Variants in TBC1D5 observed in about 807,000 individuals in gnomAD.
The protein encoded by TBC1D5 is TBC1 domain family, member 5.
In TBC1D5, 75 loss-of-function variants were observed where a neutral mutation model predicts 100.3. The ratio of observed to expected loss-of-function variants is 0.75; its 90% CI spans 0.62 to 0.91. TBC1D5 has a LOEUF of 0.91. Ranked by LOEUF, TBC1D5 falls within the 40% of genes least tolerant of loss-of-function variation. The probability of loss-of-function intolerance (pLI) is 0.00; values close to 1 mark genes in which losing one functional copy is unlikely to be tolerated. For synonymous variants in TBC1D5, 323 were observed against 325.6 expected, an observed-to-expected ratio of 0.99 and a Z score of 0.09; for missense variants, 910 against 942.4, an observed-to-expected ratio of 0.97 and a Z score of 0.45.
At chr3:17,699,637 A>G (rs1371070295) in intron 1 of TBC1D5, among the ~76,000 whole-genome samples, 2 of 130,674 alleles carry the variant, frequency 1.5e-5, no homozygotes, top group Non-Finnish European at 3.3e-5. Flanking sequence ...CAATTATATA[A>G]AAATCATCAG....
In TBC1D5 at chr3:17,215,424, T is replaced by C. The variant is rs2073519445; in HGVS notation, c.1589-1054A>G. ...CAATTTTTGGCCTAAGCAAGAAGAA[T>C]GATGGAGCGGCTATTTACTGAGGTG... is the stretch of plus-strand genomic sequence containing the variant. On this transcript the variant is annotated intron_variant, in intron 17 of 21. Transcript: ENST00000253692. Among the ~76,000 whole-genome samples the C allele has an allele frequency of 2.0e-5, 3 of 152,186 alleles. No individual in the cohort carries two copies. The Middle Eastern group carries it at 0.01, about 518-fold the overall frequency.
intron 1 of TBC1D5, among the ~76,000 whole-genome samples, chr3:17,673,585 G>A (rs965533378): frequency 6.6e-6 from 1 of 151,700 alleles, no homozygotes; most frequent in South Asian, 2.1e-4. Context: ...AAAGTGCTTG[G>A]ATTACAAGCA....
At chr3:17,592,261 A>G (rs978159118) in intron 2 of TBC1D5, among the ~76,000 whole-genome samples, 14 of 152,330 alleles carry the variant, frequency 9.2e-5, no homozygotes, top group African/African-American at 3.1e-4. Context: ...CTTCCGTAAG[A>G]TATCATACTG....
chr3:17,187,950 G>A (rs1307254207), intron 18 of TBC1D5, among the ~76,000 whole-genome samples: 1 of 152,192 alleles, frequency 6.6e-6, no homozygotes, highest in African/African-American at 2.4e-5. Context: ...AAGCCGTTGG[G>A]AGCTTTGATA....
intron 18 of TBC1D5, among the ~76,000 whole-genome samples, chr3:17,190,218 T>C (rs1430982903): frequency 1.3e-5 from 2 of 152,160 alleles, no homozygotes; most frequent in East Asian, 3.9e-4. Context: ...AGAAATACAA[T>C]AATGACTAAA....
intron 2 of TBC1D5, among the ~76,000 whole-genome samples, chr3:17,549,949 A>AATG (rs1453723955): frequency 1.3e-5 from 2 of 150,184 alleles, no homozygotes; most frequent in Non-Finnish European, 3.0e-5. Flanking sequence ...TAATAATAAT[A>AATG]ATAGTAATAA....
At position 17,531,567 on chromosome 3, in the gene TBC1D5, C is replaced by T. The variant is rs188778427; in HGVS notation, c.-35-22962G>A. Among the ~76,000 whole-genome samples the T allele has an allele frequency of 2.1e-4, 32 of 152,298 alleles. No individual in the cohort carries two copies. The East Asian group carries it at 4.8e-3, about 23-fold the overall frequency. On this transcript the variant is annotated intron_variant, in intron 2 of 21. Transcript: ENST00000253692. ...AAAGAACGAAGCTGGAGGCATCATG[C>T]TACCTGACTTCAAACTATACTACAA...
At chr3:17,272,637 TTA>T (rs1449628398) in intron 15 of TBC1D5, among the ~76,000 whole-genome samples, 6 of 152,144 alleles carry the variant, frequency 3.9e-5, no homozygotes, top group Non-Finnish European at 7.4e-5. Context: ...TTGGCCAAAG[TTA>T]TATGAGATGG....
intron 2 of TBC1D5, among the ~76,000 whole-genome samples, chr3:17,527,580 C>T (rs1265294819): frequency 6.6e-6 from 1 of 152,124 alleles, no homozygotes; most frequent in Non-Finnish European, 1.5e-5. Context: ...ATCCACTCAG[C>T]CCCTTCTTCA....
At chr3:17,667,355 A>T (rs2067378283) in intron 1 of TBC1D5, among the ~76,000 whole-genome samples, 1 of 152,352 alleles carries the variant, frequency 6.6e-6, no homozygotes, top group South Asian at 2.1e-4. Context: ...CACTTAAAAA[A>T]ACATAATTTA....
In TBC1D5 at chr3:17,210,157, T is replaced by G. The variant is rs115137726; in HGVS notation, c.1752+4050A>C. On this transcript the variant is annotated intron_variant, in intron 18 of 21. Coordinates refer to ENST00000253692, the Ensembl canonical transcript of TBC1D5. ...ATTAACTACTAGTTTAGACAGATGT[T>G]GAATCTAGGTTAGAAGTAATTTTTT... Among the ~76,000 whole-genome samples, 1,400 of 152,240 alleles carry G rather than the reference T, an allele frequency of 9.2e-3. 23 individuals are homozygous for G. The highest frequency in any genetic ancestry group is 0.031 in the African/African-American group (1,307 of 41,532).
intron 2 of TBC1D5, among the ~76,000 whole-genome samples, chr3:17,543,876 T>C (rs201734420): frequency 0.066 from 10,008 of 151,058 alleles, 618 homozygotes; most frequent in African/African-American, 0.17. Context: ...GTTTTTTTTT[T>C]CTTTTTTTTT....
chr3:17,597,552 C>G (rs2060649488), intron 2 of TBC1D5, among the ~76,000 whole-genome samples: 1 of 152,178 alleles, frequency 6.6e-6, no homozygotes. Context: ...TCATTACCCA[C>G]TCTGTTCATG....
intron 2 of TBC1D5, among the ~76,000 whole-genome samples, chr3:17,568,911 AT>A (rs1272913601): frequency 6.6e-6 from 1 of 151,728 alleles, no homozygotes; most frequent in Non-Finnish European, 1.5e-5. Context: ...ATGTTGATGC[AT>A]TTTAATTTCA....
At chr3:17,546,246 T>C (rs542465938) in intron 2 of TBC1D5, among the ~76,000 whole-genome samples, 15 of 152,268 alleles carry the variant, frequency 9.9e-5, no homozygotes, top group African/African-American at 2.9e-4. Context: ...GGAAACACTA[T>C]CATAGAAATC....
intron 1 of TBC1D5, among the ~76,000 whole-genome samples, chr3:17,692,741 C>A (rs1245670253): frequency 2.0e-5 from 3 of 152,134 alleles, no homozygotes; most frequent in Non-Finnish European, 2.9e-5. Flanking sequence ...CTTCACAGAC[C>A]AGTAAAATCA....
In TBC1D5 at chr3:17,364,375, AG is replaced by A. The variant is rs145448898; in HGVS notation, c.995+7699del. On this transcript the variant is annotated intron_variant, in intron 13 of 21. Transcript: ENST00000253692. ...ACCACATGCCAGGTTCAGTTTAGGG[AG>A]GCATTTGAGATATATTAATGAATAA... is the stretch of plus-strand genomic sequence containing the variant. Among the ~76,000 whole-genome samples, 1,065 of 152,188 alleles carry A rather than the reference AG, an allele frequency of 7.0e-3. 12 individuals are homozygous for A. Among genetic ancestry groups the A allele is most frequent in the African/African-American group, 0.024 (980 of 41,540 alleles).
intron 1 of TBC1D5, among the ~76,000 whole-genome samples, chr3:17,633,611 T>C (rs554300455): frequency 2.6e-5 from 4 of 152,302 alleles, no homozygotes; most frequent in African/African-American, 9.6e-5. Flanking sequence ...CAGCATTTTA[T>C]CTTTCAATCC....
At chr3:17,730,850 T>C (rs2076494390) in intron 1 of TBC1D5, among the ~76,000 whole-genome samples, 1 of 152,102 alleles carries the variant, frequency 6.6e-6, no homozygotes, top group Non-Finnish European at 1.5e-5. Context: ...TACGTGGCCC[T>C]GGCACTCACA....
Sources: gnomAD v4.1 joint callset for allele counts (sites outside exome capture counted in the v4.1 genomes callset) on GRCh38, gnomAD v4.1.1 for gene constraint, MANE v1.5 for transcripts, NCBI Gene and HGNC (gene_info 2026-07-23, HGNC 2026-07-21) for gene names.